Variants in SH3BP5 observed in about 807,000 individuals in gnomAD.
SH3BP5 encodes the protein SH3 domain-binding protein 5.
A neutral mutation model predicts 43.3 loss-of-function variants in SH3BP5; 22 were observed. The ratio of observed to expected loss-of-function variants is 0.51; its 90% confidence interval spans 0.36 to 0.73. The LOEUF is 0.73. Ranked by LOEUF, SH3BP5 falls within the 30% of genes least tolerant of loss-of-function variation. SH3BP5 has a pLI of 0.00. For synonymous variants in SH3BP5, 255 were observed against 225.8 expected, an observed-to-expected ratio of 1.13 and a Z score of -1.16; for missense variants, 529 against 586.9, an observed-to-expected ratio of 0.90 and a Z score of 1.02.
intron 3 of SH3BP5, among the ~76,000 whole-genome samples, chr3:15,293,716 T>G (rs1262312937): frequency 6.6e-6 from 1 of 152,172 alleles, no homozygotes; most frequent in East Asian, 1.9e-4. Flanking sequence ...ACTCCTGTCC[T>G]CGCAAGGTCT....
At chr3:15,328,091 G>T (rs369681891) in intron 2 of SH3BP5, among the ~76,000 whole-genome samples, 1 of 151,948 alleles carries the variant, frequency 6.6e-6, no homozygotes, top group African/African-American at 2.4e-5. Flanking sequence ...AGTCAGTCTT[G>T]GTTATAATAC....
intron 4 of SH3BP5, 66 bp downstream of exon 4, chr3:15,269,647 C>T (rs764755882): frequency 1.9e-5 from 27 of 1,458,450 alleles, no homozygotes; most frequent in East Asian, 4.9e-5. Flanking sequence ...CTGTTACCTC[C>T]GCTCAGGGGA....
Position 15,262,827 on chromosome 3 carries a change from AC to A in SH3BP5, c.496-539del, listed in dbSNP as rs1320827535. ...ATAAACATTTGCCAGGCATGGTGGC[AC>A]ATGCCTGTAGTCCCAGCTACTTGAA... On this transcript the variant is annotated intron_variant, in intron 4 of 8. Transcript: ENST00000383791. Among the ~76,000 whole-genome samples, 10 of 151,636 alleles carry A rather than the reference AC, an allele frequency of 6.6e-5. No homozygotes were observed. In the East Asian group the frequency reaches 2.0e-3, roughly 30 times the overall value.
intron 2 of SH3BP5, among the ~76,000 whole-genome samples, chr3:15,313,600 C>T (rs534519310): frequency 6.6e-6 from 1 of 152,312 alleles, no homozygotes; most frequent in African/African-American, 2.4e-5. Flanking sequence ...TCTCTAAGAG[C>T]ACTTGTGGCA....
intron 2 of SH3BP5, among the ~76,000 whole-genome samples, chr3:15,321,904 A>T (rs1421158951): frequency 6.6e-6 from 1 of 152,126 alleles, no homozygotes; most frequent in Non-Finnish European, 1.5e-5. Flanking sequence ...TTTGGCCCAC[A>T]CAAGAATAAC....
intron 3 of SH3BP5, among the ~76,000 whole-genome samples, chr3:15,297,342 C>A (rs1697604688): frequency 6.6e-6 from 1 of 152,142 alleles, no homozygotes; most frequent in African/African-American, 2.4e-5. Context: ...TCCATAGCCC[C>A]CTCCCAGCCA....
intron 3 of SH3BP5, among the ~76,000 whole-genome samples, chr3:15,272,150 A>G (rs1002783079): frequency 1.3e-5 from 2 of 152,198 alleles, no homozygotes; most frequent in African/African-American, 2.4e-5. Flanking sequence ...GAAGAAGGTT[A>G]AAGAAGGGGG....
rs376393757 is a variant in SH3BP5, at chr3:15,269,876, G to A, written c.332C>T (p.Ala111Val). 6.5e-7 allele frequency: 1 copy of A among 1,534,552 alleles called. No individual in the cohort carries two copies. The highest frequency in any genetic ancestry group is 8.8e-7 in the Non-Finnish European group (1 of 1,136,478). The change falls in exon 4 of 9, where the codon GCT becomes GTT. Residue 111 changes from alanine (A) to valine (V), a missense_variant and splice_region_variant. Coordinates refer to ENST00000383791, the MANE Select transcript of SH3BP5 (RefSeq NM_004844.5). ...YWEARRVARQ[A>V]QLEAQKATQD... Reference sequence around the variant, plus strand: ...CGTGGCTTTCTGAGCTTCCAGCTGAGCCTGTGTGAGAAAGAATCCTCATGA... The same window carrying A: ...CGTGGCTTTCTGAGCTTCCAGCTGAACCTGTGTGAGAAAGAATCCTCATGA...
At chr3:15,322,758 C>G (rs1698361290) in intron 2 of SH3BP5, among the ~76,000 whole-genome samples, 1 of 152,104 alleles carries the variant, frequency 6.6e-6, no homozygotes, top group Non-Finnish European at 1.5e-5. Context: ...TCACTTGAGC[C>G]CAGGAGTTCG....
intron 3 of SH3BP5, among the ~76,000 whole-genome samples, chr3:15,288,114 C>T (rs532248134): frequency 2.0e-4 from 31 of 152,238 alleles, no homozygotes; most frequent in African/African-American, 6.3e-4. Flanking sequence ...GACCAAAGGC[C>T]GTCTGCTGCA....
intron 2 of SH3BP5, 90 bp downstream of exon 2, chr3:15,330,414 A>C (rs1378246370): frequency 9.4e-7 from 1 of 1,064,466 alleles, no homozygotes; most frequent in African/African-American, 1.6e-5. Context: ...GTCCAGCAAT[A>C]ACACTCCAGC....
rs559117399 is a variant in SH3BP5, at chr3:15,268,831, T to G, written c.495+882A>C. Among the ~76,000 whole-genome samples, 9 of 152,174 alleles carry G rather than the reference T, an allele frequency of 5.9e-5. No individual in the cohort carries two copies. The East Asian group carries it at 1.7e-3, about 29-fold the overall frequency. On this transcript the variant is annotated intron_variant, in intron 4 of 8. Coordinates refer to ENST00000383791, the MANE Select transcript of SH3BP5 (RefSeq NM_004844.5). The stretch of plus-strand genomic sequence containing the variant: ...TGATGAGGTAATGAGGGTAGAACCA[T>G]CATGAATGAGATTAGTGACCTTATA...
chr3:15,310,876 G>A (rs956931212), intron 2 of SH3BP5, among the ~76,000 whole-genome samples: 5 of 152,130 alleles, frequency 3.3e-5, no homozygotes, highest in African/African-American at 4.8e-5. Context: ...ACAGCCTTGT[G>A]TCAGATAAGA....
At chr3:15,282,091 T>C (rs1277749215) in intron 3 of SH3BP5, among the ~76,000 whole-genome samples, 1 of 152,172 alleles carries the variant, frequency 6.6e-6, no homozygotes, top group Non-Finnish European at 1.5e-5. Flanking sequence ...TATGAGGCCG[T>C]ATTCTGTGTC....
intron 3 of SH3BP5, among the ~76,000 whole-genome samples, chr3:15,303,787 G>A (rs1479301665): frequency 6.6e-6 from 1 of 152,146 alleles, no homozygotes; most frequent in Non-Finnish European, 1.5e-5. Flanking sequence ...GGCAGTAAGC[G>A]AATCTTCCTA....
intron 2 of SH3BP5, among the ~76,000 whole-genome samples, chr3:15,307,208 A>G (rs1697935519): frequency 6.6e-6 from 1 of 152,158 alleles, no homozygotes; most frequent in African/African-American, 2.4e-5. Flanking sequence ...GTTCTGTGCC[A>G]TCATCATCAT....
chr3:15,332,810 C>G (rs1159807997), upstream of SH3BP5, among the ~76,000 whole-genome samples: 1 of 152,172 alleles, frequency 6.6e-6, no homozygotes, highest in Admixed American at 6.5e-5. Flanking sequence ...GCAAGCCTCC[C>G]GCTTTCGGGA....
upstream of SH3BP5, among the ~76,000 whole-genome samples, chr3:15,336,218 A>G (rs1326798794): frequency 6.6e-6 from 1 of 152,256 alleles, no homozygotes; most frequent in Non-Finnish European, 1.5e-5. Flanking sequence ...CAGCATGTGC[A>G]AAGGTCCTGA....
intron 2 of SH3BP5, among the ~76,000 whole-genome samples, chr3:15,309,241 A>AG (rs1447620502): frequency 1.3e-5 from 2 of 152,192 alleles, no homozygotes; most frequent in African/African-American, 4.8e-5. Context: ...TGGCTAGGGG[A>AG]GAAAAAAACA....
Sources: gnomAD v4.1 joint callset for allele counts (sites outside exome capture counted in the v4.1 genomes callset) on GRCh38, gnomAD v4.1.1 for gene constraint, MANE v1.5 for transcripts, NCBI Gene and HGNC (gene_info 2026-07-23, HGNC 2026-07-21) for gene names.